Variants in CHST8 observed in about 807,000 individuals in gnomAD.
CHST8 encodes GALNAC-4-ST1.
A neutral mutation model predicts 15.0 loss-of-function variants in CHST8; 10 were observed. That is an observed-to-expected ratio of 0.67 (90% CI 0.41 to 1.13). The LOEUF (loss-of-function observed/expected upper bound fraction) is 1.13, where lower values mean the gene tolerates loss of function less well. CHST8 is among the 50% of genes most tolerant of loss of function. The pLI is 0.00. For synonymous variants in CHST8, 259 were observed against 256.6 expected (o/e 1.01, Z -0.09); for missense variants, 634 against 608.2 (o/e 1.04, Z -0.45).
intron 1 of CHST8, among the ~76,000 whole-genome samples, chr19:33,643,688 C>T (rs1191810095): frequency 6.6e-6 from 1 of 152,192 alleles, no homozygotes; most frequent in Non-Finnish European, 1.5e-5. Flanking sequence ...CTAGTCCCAG[C>T]ACCCACGATT....
intron 3 of CHST8, among the ~76,000 whole-genome samples, chr19:33,764,990 T>C (rs111940579): frequency 0.03 from 4,472 of 149,438 alleles, 226 homozygotes; most frequent in African/African-American, 0.11. Context: ...TAGTCTCCAG[T>C]CTCACCCAGG....
intron 3 of CHST8, among the ~76,000 whole-genome samples, chr19:33,749,500 C>T (rs993739452): frequency 6.8e-6 from 1 of 147,728 alleles, no homozygotes; most frequent in African/African-American, 2.5e-5. Context: ...CTGTAGGGGC[C>T]GATGCTATGA....
intron 1 of CHST8, among the ~76,000 whole-genome samples, chr19:33,650,320 T>C (rs996204495): frequency 1.3e-5 from 2 of 152,072 alleles, no homozygotes; most frequent in Admixed American, 6.6e-5. Flanking sequence ...AGGATTTTCT[T>C]TTTAGTTCTC....
chr19:33,754,842 T>C (rs1974514161), intron 3 of CHST8, among the ~76,000 whole-genome samples: 1 of 152,218 alleles, frequency 6.6e-6, no homozygotes, highest in South Asian at 2.1e-4. Context: ...TTGAAGTTGA[T>C]TGCAGATGAT....
At chr19:33,757,513 A>G (rs1235165922) in intron 3 of CHST8, among the ~76,000 whole-genome samples, 1 of 60,484 alleles carries the variant, frequency 1.7e-5, no homozygotes. Flanking sequence ...AAAGAAAGAA[A>G]GAAAGAAAGA....
intron 3 of CHST8, among the ~76,000 whole-genome samples, chr19:33,727,080 C>T (rs766163983): frequency 2.0e-5 from 3 of 152,032 alleles, no homozygotes; most frequent in Admixed American, 6.5e-5. Flanking sequence ...CAAAGATGCA[C>T]TTCATCCACA....
chr19:33,765,038 T>TA (rs1365022248), intron 3 of CHST8, among the ~76,000 whole-genome samples: 1 of 104,830 alleles, frequency 9.5e-6, no homozygotes, highest in Non-Finnish European at 2.0e-5. Context: ...TTTTTATGGC[T>TA]AAGTACTATT....
intron 3 of CHST8, among the ~76,000 whole-genome samples, chr19:33,743,978 A>T (rs1420779795): frequency 6.6e-6 from 1 of 151,652 alleles, no homozygotes; most frequent in Non-Finnish European, 1.5e-5. Context: ...TTTAGTAGAG[A>T]CAGGGTTTCA....
At chr19:33,771,598 C>A in intron 4 of CHST8, 148 bp downstream of exon 4, 1 of 831,362 alleles carries the variant, frequency 1.2e-6, no homozygotes, top group South Asian at 1.5e-5. Flanking sequence ...GAACAAAGCC[C>A]AGGGCTCTGG....
chr19:33,760,735 C>T lies in CHST8; in HGVS notation c.131-10678C>T, dbSNP rs117974584. ...AAATGTCCTCATTACCCTCAGGTGC[C>T]AATTTATTGTCACGATCTTCAGGAG... On this transcript the variant is annotated intron_variant, in intron 3 of 4. Transcript: ENST00000650847. Among the ~76,000 whole-genome samples the T allele has an allele frequency of 2.1e-3, 316 of 152,248 alleles. 9 individuals carry two copies. The East Asian group carries it at 0.054, about 26-fold the overall frequency.
At position 33,673,587 on chromosome 19, in the gene CHST8, C is replaced by T. The variant is rs115097526; in HGVS notation, c.-87+5744C>T. The stretch of plus-strand genomic sequence containing the variant: ...GCACAGTGGCCACCAGGCCGGAGGA[C>T]GTCTGTGTGTGTGTGGAAGGGGTTG... On this transcript the variant is annotated intron_variant, in intron 2 of 4. Coordinates refer to ENST00000650847, the MANE Select transcript of CHST8 (RefSeq NM_001127895.2). Among the ~76,000 whole-genome samples the T allele has an allele frequency of 8.3e-3, 1,265 of 152,148 alleles. 24 individuals carry two copies. The highest frequency in any genetic ancestry group is 0.029 in the African/African-American group (1,187 of 41,514).
intron 3 of CHST8, among the ~76,000 whole-genome samples, chr19:33,739,672 A>C (rs1974150867): frequency 6.6e-6 from 1 of 152,240 alleles, no homozygotes; most frequent in African/African-American, 2.4e-5. Context: ...TCCTTCCATC[A>C]GTCCCAAAAC....
At chr19:33,703,644 T>A (rs1357110450) in intron 3 of CHST8, among the ~76,000 whole-genome samples, 2 of 152,228 alleles carry the variant, frequency 1.3e-5, no homozygotes, top group African/African-American at 2.4e-5. Flanking sequence ...TTGACACCAT[T>A]TGTGGTGCCT....
intron 3 of CHST8, among the ~76,000 whole-genome samples, chr19:33,757,547 A>G (rs1260447392): frequency 2.0e-4 from 23 of 116,562 alleles, no homozygotes; most frequent in Non-Finnish European, 3.5e-4. Context: ...AAAGAAAGAA[A>G]GAAAGAAAGA....
At chr19:33,704,004 G>A (rs1973394131) in intron 3 of CHST8, among the ~76,000 whole-genome samples, 1 of 152,186 alleles carries the variant, frequency 6.6e-6, no homozygotes, top group South Asian at 2.1e-4. Context: ...TCGCGTCTGG[G>A]GTCCCAGAGG....
intron 3 of CHST8, among the ~76,000 whole-genome samples, chr19:33,729,036 C>T (rs1973951090): frequency 6.6e-6 from 1 of 152,216 alleles, no homozygotes; most frequent in African/African-American, 2.4e-5. Context: ...CAGGGAGCTG[C>T]TCTGCTGGCT....
intron 3 of CHST8, among the ~76,000 whole-genome samples, chr19:33,725,962 G>A (rs550723269): frequency 4.3e-4 from 66 of 152,334 alleles, no homozygotes; most frequent in South Asian, 8.3e-4. Context: ...GAAGTGGTCC[G>A]ATTCCCCTTG....
chr19:33,724,420 G>A (rs1973855729), intron 3 of CHST8, among the ~76,000 whole-genome samples: 2 of 152,192 alleles, frequency 1.3e-5, no homozygotes, highest in South Asian at 2.1e-4. Flanking sequence ...GGATACCCCC[G>A]GCCCCCATCC....
chr19:33,694,169 CATATATATATATATAT>C (rs397842550), intron 3 of CHST8, among the ~76,000 whole-genome samples: 3,634 of 40,128 alleles, frequency 0.091, 282 homozygotes, highest in Admixed American at 0.27. Flanking sequence ...GTAGTTTATT[CATATATATATATATAT>C]ATATATATAT....
Sources: gnomAD v4.1 joint callset for allele counts (sites outside exome capture counted in the v4.1 genomes callset) on GRCh38, gnomAD v4.1.1 for gene constraint, MANE v1.5 for transcripts, NCBI Gene and HGNC (gene_info 2026-07-23, HGNC 2026-07-21) for gene names.